ESR1: variants seen among roughly 807,000 people sequenced by gnomAD.
ESR1 encodes estrogen receptor 1, also known as estrogen receptor.
ESR1 carries 12 observed loss-of-function variants against 52.7 expected under a neutral mutation model. The ratio of observed to expected loss-of-function variants is 0.23; its 90% CI spans 0.15 to 0.37. The LOEUF (loss-of-function observed/expected upper bound fraction) is 0.37. Among genes scored for constraint, ESR1 ranks in the 10% least tolerant of loss-of-function variants. The pLI is 1.00. For synonymous variants in ESR1, 305 were observed against 316.8 expected, an observed-to-expected ratio of 0.96 and a Z score of 0.39; for missense variants, 584 against 779.7, an observed-to-expected ratio of 0.75 and a Z score of 2.99.
chr6:152,019,615 T>G (rs1317044891), intron 5 of ESR1, among the ~76,000 whole-genome samples: 1 of 152,246 alleles, frequency 6.6e-6, no homozygotes, highest in Non-Finnish European at 1.5e-5. Context: ...ACATTATGTT[T>G]TATTCACCAT....
rs1424285995 is a variant in ESR1 at position 151,866,399 on chromosome 6, A to G, written c.644-14256A>G. Among the ~76,000 whole-genome samples the G allele has an allele frequency of 2.0e-5, 3 of 152,204 alleles. No individual in the cohort carries two copies. In the East Asian group the frequency reaches 5.8e-4, roughly 29 times the overall value. On this transcript the variant is annotated intron_variant, in intron 2 of 7. Coordinates refer to ENST00000206249, the MANE Select transcript of ESR1 (RefSeq NM_000125.4). ...ATGTGCAGGTTAGTTACGTAGGTAT[A>G]CACGTGCCATGGTGGTTTGCTGCAC...
At chr6:151,768,874 C>T (rs1021597947) in intron 2 of ESR1, among the ~76,000 whole-genome samples, 3 of 152,160 alleles carry the variant, frequency 2.0e-5, no homozygotes, top group African/African-American at 7.2e-5. Context: ...CTTTCCTGTG[C>T]CTTGTGTTTT....
At chr6:151,693,170 C>T (rs962512288) in intron 1 of ESR1, among the ~76,000 whole-genome samples, 2 of 152,138 alleles carry the variant, frequency 1.3e-5, no homozygotes, top group African/African-American at 4.8e-5. Flanking sequence ...TTGCAGTTTC[C>T]AAGCATTAGA....
At chr6:151,732,756 C>T (rs1478105872) in intron 2 of ESR1, among the ~76,000 whole-genome samples, 3 of 152,114 alleles carry the variant, frequency 2.0e-5, no homozygotes, top group South Asian at 2.1e-4. Context: ...TTTTACCAGC[C>T]GTCAGATCTC....
At chr6:152,031,923 A>T (rs2044750435) in intron 5 of ESR1, among the ~76,000 whole-genome samples, 1 of 152,226 alleles carries the variant, frequency 6.6e-6, no homozygotes. Context: ...CCAGCAGCAC[A>T]TCAAAAAGCT....
At chr6:152,093,793 T>C (rs889596014) in intron 6 of ESR1, among the ~76,000 whole-genome samples, 2 of 152,202 alleles carry the variant, frequency 1.3e-5, no homozygotes, top group African/African-American at 2.4e-5. Flanking sequence ...AAATCCTACC[T>C]GGAAAAATCA....
At chr6:151,975,410 G>A (rs2039347048) in intron 4 of ESR1, among the ~76,000 whole-genome samples, 2 of 151,612 alleles carry the variant, frequency 1.3e-5, no homozygotes. Flanking sequence ...TATTAGTTAG[G>A]GTTCTCTGGA....
intron 1 of ESR1, among the ~76,000 whole-genome samples, chr6:151,825,910 C>CAAAAAAAAAAA (rs3996305): frequency 2.6e-5 from 2 of 78,080 alleles, no homozygotes; most frequent in Non-Finnish European, 5.0e-5. Flanking sequence ...GACTCCATCT[C>CAAAAAAAAAAA]AAAAAAAAAA....
rs117695019 is a variant in ESR1, at chr6:151,892,849, T to C, written c.760+12078T>C. Among the ~76,000 whole-genome samples, 52 of 152,306 alleles carry C rather than the reference T, an allele frequency of 3.4e-4. No individual in the cohort carries two copies. In the East Asian group the frequency reaches 7.5e-3, roughly 22 times the overall value. ...AAATTACAGAAATATATGTCAGCCT[T>C]AAGAGACATCCTATGATGAAGAGCA... On this transcript the variant is annotated intron_variant, in intron 3 of 7. Coordinates refer to ENST00000206249, the MANE Select transcript of ESR1 (RefSeq NM_000125.4).
intron 1 of ESR1, among the ~76,000 whole-genome samples, chr6:151,816,841 A>C (rs1172207669): frequency 6.6e-6 from 1 of 152,206 alleles, no homozygotes; most frequent in Non-Finnish European, 1.5e-5. Flanking sequence ...CAGGAGTTCC[A>C]GACCAGCCTG....
intron 2 of ESR1, among the ~76,000 whole-genome samples, chr6:151,720,107 T>C (rs1230466267): frequency 6.6e-6 from 1 of 152,248 alleles, no homozygotes; most frequent in Admixed American, 6.5e-5. Flanking sequence ...CTTTTTTTTG[T>C]CAGCCTAAGG....
At chr6:151,778,042 C>T (rs530213480) in intron 2 of ESR1, among the ~76,000 whole-genome samples, 2 of 152,284 alleles carry the variant, frequency 1.3e-5, no homozygotes, top group African/African-American at 4.8e-5. Flanking sequence ...TACATCTTGA[C>T]ACTTAACTAC....
At chr6:151,909,180 A>C (rs1002912717) in intron 3 of ESR1, among the ~76,000 whole-genome samples, 5 of 152,220 alleles carry the variant, frequency 3.3e-5, no homozygotes. Context: ...TAATAACACC[A>C]AGGTCGTGGT....
At chr6:151,978,880 T>C (rs2039718285) in intron 4 of ESR1, among the ~76,000 whole-genome samples, 1 of 152,146 alleles carries the variant, frequency 6.6e-6, no homozygotes, top group South Asian at 2.1e-4. Flanking sequence ...CTAGAAAGGA[T>C]GTCTGATATG....
At chr6:152,097,969 A>G (rs2152503951) in intron 7 of ESR1, among the ~76,000 whole-genome samples, 1 of 152,344 alleles carries the variant, frequency 6.6e-6, no homozygotes, top group East Asian at 1.9e-4. Context: ...AGGAAGGCTG[A>G]GCCTGCAGAG....
At chr6:152,122,741 C>A in intron 6 of ESR1, 1 of 1,607,228 alleles carries the variant, frequency 6.2e-7, no homozygotes, top group Non-Finnish European at 8.5e-7. Flanking sequence ...TGCTTTTTGC[C>A]TCTGCACCTT....
chr6:151,872,945 G>GT (rs955562589), intron 2 of ESR1, among the ~76,000 whole-genome samples: 1 of 152,172 alleles, frequency 6.6e-6, no homozygotes, highest in African/African-American at 2.4e-5. Context: ...TTTTGGTGTG[G>GT]TCTTAGTAAG....
chr6:151,846,244 G>A (rs1254981648), intron 2 of ESR1, among the ~76,000 whole-genome samples: 1 of 152,174 alleles, frequency 6.6e-6, no homozygotes, highest in Non-Finnish European at 1.5e-5. Context: ...GTTAAACAAA[G>A]ACATTTCTGG....
chr6:151,923,955 A>T (rs1434486398), intron 3 of ESR1, among the ~76,000 whole-genome samples: 2 of 152,232 alleles, frequency 1.3e-5, no homozygotes, highest in Non-Finnish European at 2.9e-5. Flanking sequence ...TTGATGCTCG[A>T]CATCCTTGTC....
Sources: gnomAD v4.1 joint callset for allele counts (sites outside exome capture counted in the v4.1 genomes callset) on GRCh38, gnomAD v4.1.1 for gene constraint, MANE v1.5 for transcripts, NCBI Gene and HGNC (gene_info 2026-07-23, HGNC 2026-07-21) for gene names.